Variants in TMEM132B observed in about 807,000 individuals in gnomAD.
TMEM132B encodes transmembrane protein 132B.
Under a neutral mutation model 90.8 loss-of-function variants are expected in TMEM132B, and 18 were observed. The ratio of observed to expected loss-of-function variants is 0.20; its 90% CI spans 0.14 to 0.29. TMEM132B has a LOEUF of 0.29. Ranked by LOEUF, TMEM132B falls within the 10% of genes least tolerant of loss-of-function variation. The probability of loss-of-function intolerance (pLI) is 1.00; values close to 1 mark genes in which losing one functional copy is unlikely to be tolerated. For synonymous variants in TMEM132B, 504 were observed against 523.3 expected (o/e 0.96, Z 0.50); for missense variants, 1,096 against 1,326.8 (o/e 0.83, Z 2.70).
chr12:125,487,444 G>T (rs1177043629), intron 3 of TMEM132B, among the ~76,000 whole-genome samples: 1 of 152,300 alleles, frequency 6.6e-6, no homozygotes, highest in African/African-American at 2.4e-5. Flanking sequence ...GGCTTGGATG[G>T]AGTTTCTGAG....
At chr12:125,239,230 A>C (rs1056424111) in intron 1 of TMEM132B, among the ~76,000 whole-genome samples, 3 of 151,938 alleles carry the variant, frequency 2.0e-5, no homozygotes, top group Non-Finnish European at 4.4e-5. Flanking sequence ...TGTGGTGTGG[A>C]TGAGTAGCCA....
At chr12:125,607,833 A>T (rs1885733151) in intron 5 of TMEM132B, among the ~76,000 whole-genome samples, 1 of 152,226 alleles carries the variant, frequency 6.6e-6, no homozygotes. Context: ...TATTCTGGAC[A>T]TTTCATATAA....
intron 2 of TMEM132B, among the ~76,000 whole-genome samples, chr12:125,357,936 C>T (rs940737364): frequency 1.3e-5 from 2 of 152,226 alleles, no homozygotes; most frequent in African/African-American, 4.8e-5. Flanking sequence ...CCTCAGTCTC[C>T]CCCATCCCTG....
chr12:125,524,047 GGGA>G (rs1883381433), intron 4 of TMEM132B, among the ~76,000 whole-genome samples: 1 of 152,204 alleles, frequency 6.6e-6, no homozygotes, highest in Non-Finnish European at 1.5e-5. Flanking sequence ...TCCTGGGACT[GGGA>G]GGAGGAGACC....
chr12:125,646,392 T>G (rs1163646427), intron 6 of TMEM132B, among the ~76,000 whole-genome samples: 1 of 152,234 alleles, frequency 6.6e-6, no homozygotes, highest in Non-Finnish European at 1.5e-5. Flanking sequence ...GATGAATAAA[T>G]TTTAAGAGAT....
rs191361415 is a variant in TMEM132B, at chr12:125,407,573, A to G, written c.960-7958A>G. ...CTGGAGTCCAGTTGTCTTTCTTTTG[A>G]CTTATCTACAGCAGCTAGAATGTCT... On this transcript the variant is annotated intron_variant, in intron 2 of 8. Coordinates refer to ENST00000682704, the MANE Select transcript of TMEM132B (RefSeq NM_001366854.1). This position sits in a 1 kb window ranked among gnomAD's most constrained non-coding sequence, Gnocchi z 6.7. Among the ~76,000 whole-genome samples the G allele has an allele frequency of 6.6e-6, 1 of 152,164 alleles. No individual in the cohort carries two copies. Among genetic ancestry groups the G allele is most frequent in the East Asian group, 1.9e-4 (1 of 5,170 alleles).
chr12:125,622,485 G>A, intron 5 of TMEM132B: 1 of 985,412 alleles, frequency 1.0e-6, no homozygotes, highest in Non-Finnish European at 1.2e-6. Flanking sequence ...TTCCTGTGCT[G>A]GAAAGGACTC....
chr12:125,627,384 G>A (rs561871503), intron 5 of TMEM132B, among the ~76,000 whole-genome samples: 2 of 151,786 alleles, frequency 1.3e-5, no homozygotes, highest in African/African-American at 2.4e-5. Flanking sequence ...TGGACATTTT[G>A]TATATCATAT....
At chr12:125,397,911 C>G (rs1431501401) in intron 2 of TMEM132B, among the ~76,000 whole-genome samples, 1 of 152,174 alleles carries the variant, frequency 6.6e-6, no homozygotes, top group African/African-American at 2.4e-5. Flanking sequence ...GACAGTGACA[C>G]AGAATACCCA....
intron 1 of TMEM132B, among the ~76,000 whole-genome samples, chr12:125,220,539 T>C (rs1408747052): frequency 2.0e-5 from 3 of 152,238 alleles, no homozygotes; most frequent in Non-Finnish European, 2.9e-5. Context: ...AAAGTGACGA[T>C]AGCGATTCAG....
At chr12:125,427,597 A>G (rs1337836390) in intron 3 of TMEM132B, among the ~76,000 whole-genome samples, 2 of 152,176 alleles carry the variant, frequency 1.3e-5, no homozygotes, top group African/African-American at 4.8e-5. Context: ...AAAGGTCAGC[A>G]CTTTGGTAGA....
intron 5 of TMEM132B, 43 bp from the exon 6 acceptor site, chr12:125,644,033 T>G (rs1455154543): frequency 6.3e-7 from 1 of 1,578,822 alleles, no homozygotes; most frequent in African/African-American, 1.3e-5. Context: ...TTCCTTGTGC[T>G]TTTCCTACTG....
intron 1 of TMEM132B, among the ~76,000 whole-genome samples, chr12:125,261,762 A>G (rs763890516): frequency 3.3e-5 from 5 of 152,188 alleles, no homozygotes; most frequent in Admixed American, 6.5e-5. Context: ...AAGGGGTTAT[A>G]TGTGTCCCTG....
chr12:125,225,630 C>T (rs1239413080), intron 1 of TMEM132B, among the ~76,000 whole-genome samples: 2 of 152,176 alleles, frequency 1.3e-5, no homozygotes, highest in African/African-American at 4.8e-5. Context: ...TGTTTCTTTT[C>T]CATGGAACAG....
Position 125,536,263 on chromosome 12 carries a change from T to A in TMEM132B, c.1293+16638T>A, listed in dbSNP as rs560328770. 5.8e-4 allele frequency among the ~76,000 whole-genome samples: 89 copies of A among 152,334 alleles called. 1 individual carries two copies. Among genetic ancestry groups the A allele is most frequent in the African/African-American group, 2.0e-3 (85 of 41,580 alleles). ...CAGAGTTAAACAGAGGCTGCTGTCC[T>A]TAAGAGGCGCCATCTCCCAGGGACG... is the stretch of plus-strand genomic sequence containing the variant. On this transcript the variant is annotated intron_variant, in intron 4 of 8. Transcript: ENST00000682704.
intron 3 of TMEM132B, among the ~76,000 whole-genome samples, chr12:125,509,635 G>C (rs1242712265): frequency 6.6e-6 from 1 of 152,106 alleles, no homozygotes. Flanking sequence ...GAGTGGATTT[G>C]GGAGTCTCGG....
intron 1 of TMEM132B, among the ~76,000 whole-genome samples, chr12:125,254,394 G>A (rs1874384087): frequency 6.6e-6 from 1 of 152,204 alleles, no homozygotes; most frequent in Non-Finnish European, 1.5e-5. Flanking sequence ...AGGAGCTTGG[G>A]CGAGGTTCTG....
Position 125,505,170 on chromosome 12 carries a change from A to G in TMEM132B, c.1107-14269A>G, listed in dbSNP as rs1453713454. ...TGAGACTCACACACCAGAGGACAAA[A>G]AAAAAAAAAAAAAAAAAAAAAAAAA... On this transcript the variant is annotated intron_variant, in intron 3 of 8. Coordinates refer to ENST00000682704, the MANE Select transcript of TMEM132B (RefSeq NM_001366854.1). Among the ~76,000 whole-genome samples the G allele has an allele frequency of 7.8e-5, 10 of 128,026 alleles. No homozygotes were observed. In the Admixed American group the frequency reaches 8.4e-4, roughly 11 times the overall value. The allele number at this position is 128,026 out of a possible 152,430, so 84.0% of individuals were successfully genotyped here.
chr12:125,429,773 T>C (rs1400514701), intron 3 of TMEM132B, among the ~76,000 whole-genome samples: 16 of 152,206 alleles, frequency 1.1e-4, no homozygotes, highest in Admixed American at 1.0e-3. Context: ...CGTATCAGGG[T>C]ACATGCTACT....
Sources: gnomAD v4.1 joint callset for allele counts (sites outside exome capture counted in the v4.1 genomes callset) on GRCh38, gnomAD v4.1.1 for gene constraint, Gnocchi (gnomAD v3.1) non-coding constraint, MANE v1.5 for transcripts, NCBI Gene and HGNC (gene_info 2026-07-23, HGNC 2026-07-21) for gene names.